THSD4: variants seen among roughly 807,000 people sequenced by gnomAD.
THSD4 encodes the protein thrombospondin type 1 domain containing 4.
A neutral mutation model predicts 119.0 loss-of-function variants in THSD4; 69 were observed. The ratio of observed to expected loss-of-function variants is 0.58; its 90% CI spans 0.48 to 0.71. The LOEUF is 0.71. THSD4 is among the 30% of genes least tolerant of loss of function. THSD4 has a pLI of 0.00. For missense variants in THSD4, 1,393 were observed against 1,391.1 expected, an observed-to-expected ratio of 1.00 and a Z score of -0.02; for synonymous variants, 524 against 540.4, an observed-to-expected ratio of 0.97 and a Z score of 0.42.
At chr15:71,551,550 C>T (rs752433774) in intron 7 of THSD4, among the ~76,000 whole-genome samples, 2 of 152,116 alleles carry the variant, frequency 1.3e-5, no homozygotes, top group Admixed American at 6.6e-5. Context: ...TTGGCAATCA[C>T]AGCTATGATT....
chr15:71,523,075 G>A (rs1426599161), intron 7 of THSD4, among the ~76,000 whole-genome samples: 2 of 152,194 alleles, frequency 1.3e-5, no homozygotes, highest in African/African-American at 2.4e-5. Flanking sequence ...AGCTCGTGTT[G>A]CTTCATTTTT....
chr15:71,599,084 A>G (rs1248581397), intron 7 of THSD4, among the ~76,000 whole-genome samples: 3 of 152,182 alleles, frequency 2.0e-5, no homozygotes, highest in East Asian at 1.9e-4. Flanking sequence ...TAAAGGTAGG[A>G]CCACTTGACA....
At chr15:71,469,650 A>G (rs1019720089) in intron 7 of THSD4, among the ~76,000 whole-genome samples, 1 of 152,174 alleles carries the variant, frequency 6.6e-6, no homozygotes, top group Non-Finnish European at 1.5e-5. Context: ...GGCTCAACAC[A>G]TCTGCATCAA....
chr15:71,709,960 G>A (rs1501422), intron 8 of THSD4, among the ~76,000 whole-genome samples: 25,791 of 152,178 alleles, frequency 0.17, 2,407 homozygotes, highest in Middle Eastern at 0.22. Context: ...GTCAAGACGG[G>A]GTGAGCGGCT....
chr15:71,503,648 TACTC>T (rs1310995086), intron 7 of THSD4, among the ~76,000 whole-genome samples: 1 of 152,150 alleles, frequency 6.6e-6, no homozygotes, highest in East Asian at 1.9e-4. Flanking sequence ...GCCTTCCACA[TACTC>T]AGGGAGCCAC....
intron 7 of THSD4, among the ~76,000 whole-genome samples, chr15:71,641,824 GT>G (rs2050864113): frequency 6.6e-6 from 1 of 151,334 alleles, no homozygotes; most frequent in East Asian, 1.9e-4. Context: ...AAAAGAAACT[GT>G]AAAAAAAAAA....
chr15:71,370,354 G>C (rs1202094078), intron 6 of THSD4, among the ~76,000 whole-genome samples: 1 of 152,100 alleles, frequency 6.6e-6, no homozygotes, highest in Admixed American at 6.5e-5. Flanking sequence ...TGCTTCTCTA[G>C]TTCTTTTAAT....
chr15:71,264,886 G>C (rs558613798), intron 6 of THSD4, among the ~76,000 whole-genome samples: 1 of 152,246 alleles, frequency 6.6e-6, no homozygotes, highest in East Asian at 1.9e-4. Context: ...ACAGCACAAT[G>C]AATGCTATGG....
intron 3 of THSD4, among the ~76,000 whole-genome samples, chr15:71,209,838 G>A (rs1446637424): frequency 6.6e-6 from 1 of 152,118 alleles, no homozygotes; most frequent in Non-Finnish European, 1.5e-5. Flanking sequence ...CTATTCTTAT[G>A]ATAGTGAGTA....
At chr15:71,687,855 T>A (rs1045410877) in intron 8 of THSD4, among the ~76,000 whole-genome samples, 5 of 152,162 alleles carry the variant, frequency 3.3e-5, no homozygotes, top group African/African-American at 1.2e-4. Context: ...AAATTACTAA[T>A]GCAAAGTATG....
intron 17 of THSD4, among the ~76,000 whole-genome samples, chr15:71,771,532 G>C (rs186606420): frequency 6.6e-6 from 1 of 152,326 alleles, no homozygotes; most frequent in East Asian, 1.9e-4. Context: ...GTGCAAACCA[G>C]TGTAGGCTGG....
chr15:71,167,894 G>C (rs974324241), intron 3 of THSD4, among the ~76,000 whole-genome samples: 28 of 152,282 alleles, frequency 1.8e-4, no homozygotes, highest in Admixed American at 1.5e-3. Flanking sequence ...ATTTGTAAAT[G>C]CTGTCAAGTA....
At chr15:71,508,455 G>A (rs1411589184) in intron 7 of THSD4, among the ~76,000 whole-genome samples, 1 of 152,144 alleles carries the variant, frequency 6.6e-6, no homozygotes, top group South Asian at 2.1e-4. Context: ...ACCCAGTTTT[G>A]CCCTGCTGTC....
chr15:71,760,381 G>A (rs935872350), intron 15 of THSD4, among the ~76,000 whole-genome samples: 6 of 152,168 alleles, frequency 3.9e-5, no homozygotes, highest in Non-Finnish European at 7.4e-5. Context: ...TGGCTTTAGA[G>A]TCTTTCTGAC....
At chr15:71,112,660 T>C (rs2040315239), upstream of THSD4, among the ~76,000 whole-genome samples, 2 of 152,214 alleles carry the variant, frequency 1.3e-5, no homozygotes, top group South Asian at 4.1e-4. Context: ...AAGCACAGGC[T>C]AGCCTTTGAC....
intron 1 of THSD4, among the ~76,000 whole-genome samples, chr15:71,131,042 C>T (rs903660123): frequency 6.6e-6 from 1 of 152,216 alleles, no homozygotes; most frequent in Non-Finnish European, 1.5e-5. Flanking sequence ...CTGTGCCCGG[C>T]CAATAAATGT....
intron 7 of THSD4, among the ~76,000 whole-genome samples, chr15:71,445,254 A>G (rs4366673): frequency 0.97 from 148,296 of 152,216 alleles, 72,300 homozygotes; most frequent in East Asian, 1. Context: ...TAAGACACCC[A>G]TCATTCTTTA....
chr15:71,314,167 C>T (rs551585142), intron 6 of THSD4, among the ~76,000 whole-genome samples: 2 of 152,004 alleles, frequency 1.3e-5, no homozygotes, highest in Admixed American at 6.5e-5. Context: ...TTAATAGTTA[C>T]AGTTTACTGA....
chr15:71,480,974 G>A (rs2047722097), intron 7 of THSD4, among the ~76,000 whole-genome samples: 1 of 152,066 alleles, frequency 6.6e-6, no homozygotes, highest in African/African-American at 2.4e-5. Flanking sequence ...CTGAAATTTG[G>A]TCCAATGTCA....
Sources: gnomAD v4.1 joint callset for allele counts (sites outside exome capture counted in the v4.1 genomes callset) on GRCh38, gnomAD v4.1.1 for gene constraint, MANE v1.5 for transcripts, NCBI Gene and HGNC (gene_info 2026-07-23, HGNC 2026-07-21) for gene names.